Variants in CTNNA3 observed in about 807,000 individuals in gnomAD.
CTNNA3 encodes the protein catenin alpha 3, also known as catenin alpha-3.
CTNNA3 carries 76 observed loss-of-function variants against 95.7 expected under a neutral mutation model. The ratio of observed to expected loss-of-function variants is 0.79; its 90% CI spans 0.66 to 0.96. The LOEUF (loss-of-function observed/expected upper bound fraction) is 0.96. CTNNA3 is among the 40% of genes least tolerant of loss of function. The probability of loss-of-function intolerance (pLI) is 0.00; values close to 1 mark genes in which losing one functional copy is unlikely to be tolerated. For synonymous variants in CTNNA3, 431 were observed against 374.4 expected (o/e 1.15, Z -1.74); for missense variants, 1,191 against 1,089.8 (o/e 1.09, Z -1.31).
intron 10 of CTNNA3, among the ~76,000 whole-genome samples, chr10:66,610,122 G>A (rs755594809): frequency 1.9e-4 from 29 of 152,232 alleles, no homozygotes; most frequent in Non-Finnish European, 3.5e-4. Context: ...GGAGGAGGAA[G>A]AGGATTAGGG....
chr10:67,466,386 T>C (rs1335651556), intron 5 of CTNNA3, among the ~76,000 whole-genome samples: 1 of 152,176 alleles, frequency 6.6e-6, no homozygotes, highest in South Asian at 2.1e-4. Context: ...AATAATCAAA[T>C]ACAACAATGA....
intron 17 of CTNNA3, among the ~76,000 whole-genome samples, chr10:65,956,392 G>A (rs935749245): frequency 5.3e-5 from 8 of 152,072 alleles, no homozygotes; most frequent in Non-Finnish European, 1.0e-4. Flanking sequence ...GTTTCCTTCA[G>A]TTCTGCTCTG....
intron 12 of CTNNA3, among the ~76,000 whole-genome samples, chr10:66,365,150 G>A (rs528358986): frequency 5.9e-5 from 9 of 152,168 alleles, no homozygotes; most frequent in African/African-American, 2.2e-4. Context: ...GTCCATCAAT[G>A]ATAGATTGGA....
rs140370273 is a variant in CTNNA3, at chr10:67,157,775, C to T, written c.1047+22542G>A. ...CCATAAGAAGCCCAAGAATTAGTGC[C>T]TACAGAGCCAGTTCCTGATGAATTC... On this transcript the variant is annotated intron_variant, in intron 7 of 17. Transcript: ENST00000433211. 1.7e-4 allele frequency among the ~76,000 whole-genome samples: 26 copies of T among 152,204 alleles called. No individual in the cohort carries two copies. The East Asian group carries it at 4.8e-3, about 28-fold the overall frequency.
At chr10:66,943,465 C>A (rs572806157) in intron 7 of CTNNA3, among the ~76,000 whole-genome samples, 1 of 151,438 alleles carries the variant, frequency 6.6e-6, no homozygotes, top group East Asian at 1.9e-4. Context: ...AATTTTTTTC[C>A]TGAAATCCTG....
At chr10:67,335,886 G>GTT (rs1350953222) in intron 5 of CTNNA3, among the ~76,000 whole-genome samples, 1,738 of 146,930 alleles carry the variant, frequency 0.012, 40 homozygotes, top group African/African-American at 0.041. Context: ...CACAAATAGT[G>GTT]TTTTTTTTTT....
At chr10:66,366,246 T>C (rs2092710526) in intron 12 of CTNNA3, among the ~76,000 whole-genome samples, 1 of 152,234 alleles carries the variant, frequency 6.6e-6, no homozygotes, top group Middle Eastern at 3.4e-3. Context: ...GTTTGCCCAT[T>C]AACTAATGAG....
intron 11 of CTNNA3, among the ~76,000 whole-genome samples, chr10:66,468,329 T>C (rs1190479181): frequency 6.6e-6 from 1 of 152,082 alleles, no homozygotes; most frequent in Non-Finnish European, 1.5e-5. Flanking sequence ...GTTGCAGGAC[T>C]CTGTGTAGGA....
intron 5 of CTNNA3, among the ~76,000 whole-genome samples, chr10:67,223,345 T>C (rs979889165): frequency 6.6e-6 from 1 of 152,244 alleles, no homozygotes; most frequent in African/African-American, 2.4e-5. Context: ...GTTCAAAGGT[T>C]CTTGTTTGTC....
chr10:65,947,718 C>T (rs1217457919), intron 17 of CTNNA3, among the ~76,000 whole-genome samples: 1 of 152,234 alleles, frequency 6.6e-6, no homozygotes, highest in African/African-American at 2.4e-5. Context: ...TGTTGAGTCA[C>T]TGAGAATTGG....
chr10:66,564,042 C>T (rs1842632572), intron 10 of CTNNA3, among the ~76,000 whole-genome samples: 1 of 152,112 alleles, frequency 6.6e-6, no homozygotes, highest in Non-Finnish European at 1.5e-5. Context: ...TCAGGACCTC[C>T]TGAGGCTGTG....
intron 11 of CTNNA3, among the ~76,000 whole-genome samples, chr10:66,503,852 G>A (rs1354683904): frequency 1.3e-5 from 2 of 151,984 alleles, no homozygotes; most frequent in Non-Finnish European, 2.9e-5. Context: ...TTACTTTAGC[G>A]GTGAAATTTT....
At chr10:65,987,783 A>T (rs1396492864) in intron 16 of CTNNA3, among the ~76,000 whole-genome samples, 1 of 152,142 alleles carries the variant, frequency 6.6e-6, no homozygotes, top group Non-Finnish European at 1.5e-5. Context: ...AGTTAGAATC[A>T]ATCTAACTGT....
At chr10:66,550,958 A>T (rs1842197053) in intron 10 of CTNNA3, among the ~76,000 whole-genome samples, 1 of 152,046 alleles carries the variant, frequency 6.6e-6, no homozygotes, top group Admixed American at 6.5e-5. Context: ...ATTTTAGGTT[A>T]TACTTTATTG....
At chr10:67,708,292 T>C (rs1309211049) in intron 1 of CTNNA3, among the ~76,000 whole-genome samples, 1 of 152,172 alleles carries the variant, frequency 6.6e-6, no homozygotes, top group Non-Finnish European at 1.5e-5. Context: ...TGGTTACTTC[T>C]TTCTCAACTC....
intron 10 of CTNNA3, among the ~76,000 whole-genome samples, chr10:66,583,812 T>G (rs1000911620): frequency 2.2e-4 from 33 of 151,844 alleles, no homozygotes; most frequent in Middle Eastern, 6.4e-3. Flanking sequence ...GATGTTGGCA[T>G]TTTGCACTAT....
rs145827924 is a variant in CTNNA3 at position 66,702,614 on chromosome 10, G to A, written c.1281+63650C>T. 6.6e-3 allele frequency among the ~76,000 whole-genome samples: 977 copies of A among 149,160 alleles called. 14 individuals are homozygous for A. The highest frequency in any genetic ancestry group is 0.022 in the African/African-American group (914 of 40,630). ...CCAGCTACTCAGGAGGCTGAGGCAG[G>A]AGAATCACTTGAACTTGGAAGGTGG... On this transcript the variant is annotated intron_variant, in intron 9 of 17. Transcript: ENST00000433211.
Position 67,477,566 on chromosome 10 carries a change from G to A in CTNNA3, c.579+44276C>T, listed in dbSNP as rs372165526. On this transcript the variant is annotated intron_variant, in intron 5 of 17. Coordinates refer to ENST00000433211, the MANE Select transcript of CTNNA3 (RefSeq NM_013266.4). ...CCAGTAAAGTGCAGCCCTATAGTGC[G>A]TAGGGCTATAACAGAAAAGCCAAAA... is the stretch of plus-strand genomic sequence containing the variant. 7.2e-5 allele frequency among the ~76,000 whole-genome samples: 11 copies of A among 152,128 alleles called. 1 individual carries two copies. The highest frequency in any genetic ancestry group is 4.1e-4 in the South Asian group (2 of 4,828).
intron 7 of CTNNA3, among the ~76,000 whole-genome samples, chr10:66,977,380 G>A (rs1850108673): frequency 6.6e-6 from 1 of 151,388 alleles, no homozygotes; most frequent in Non-Finnish European, 1.5e-5. Context: ...AGGTTGCAGT[G>A]AGCCAAGATC....
Sources: gnomAD v4.1 joint callset for allele counts (sites outside exome capture counted in the v4.1 genomes callset) on GRCh38, gnomAD v4.1.1 for gene constraint, MANE v1.5 for transcripts, NCBI Gene and HGNC (gene_info 2026-07-23, HGNC 2026-07-21) for gene names.